Variants in GLI2 observed in about 807,000 individuals in gnomAD.
GLI2 encodes the protein transcription activator GLI2.
GLI2 carries 22 observed loss-of-function variants against 78.9 expected under a neutral mutation model. The ratio of observed to expected loss-of-function variants is 0.28; its 90% CI spans 0.20 to 0.40. The LOEUF (loss-of-function observed/expected upper bound fraction) is 0.40, where lower values mean the gene tolerates loss of function less well. Ranked by LOEUF, GLI2 falls within the 10% of genes least tolerant of loss-of-function variation. GLI2 has a pLI of 1.00. For synonymous variants in GLI2, 974 were observed against 963.7 expected (o/e 1.01, Z -0.20); for missense variants, 2,097 against 2,213.2 (o/e 0.95, Z 1.05).
At chr2:120,889,686 A>G (rs1212759492) in intron 2 of GLI2, among the ~76,000 whole-genome samples, 1 of 152,256 alleles carries the variant, frequency 6.6e-6, no homozygotes, top group Non-Finnish European at 1.5e-5. Flanking sequence ...GAGACCTTTC[A>G]CAAAAGAGGA....
At chr2:120,958,829 C>T (rs1007180206) in intron 5 of GLI2, among the ~76,000 whole-genome samples, 5 of 152,212 alleles carry the variant, frequency 3.3e-5, no homozygotes, top group African/African-American at 4.8e-5. Flanking sequence ...ACTGCACTAG[C>T]GGGACCCAAG....
intron 1 of GLI2, among the ~76,000 whole-genome samples, chr2:120,775,970 C>T (rs1306464013): frequency 6.6e-6 from 1 of 152,242 alleles, no homozygotes; most frequent in Non-Finnish European, 1.5e-5. Context: ...AACGCTCTCG[C>T]CCTGGCTGGC....
At chr2:120,864,490 CGGAGTCTCGCTCTGT>C (rs1688037514) in intron 2 of GLI2, among the ~76,000 whole-genome samples, 1 of 151,690 alleles carries the variant, frequency 6.6e-6, no homozygotes, top group Non-Finnish European at 1.5e-5. Context: ...TTTTTTGAGA[CGGAGTCTCGCTCTGT>C]CTGTCGCCCA....
chr2:120,841,573 T>A (rs1558827626), intron 2 of GLI2, among the ~76,000 whole-genome samples: 1 of 152,244 alleles, frequency 6.6e-6, no homozygotes. Context: ...TCTTGACTAT[T>A]CTAGTTTTTC....
At chr2:120,775,908 C>T in intron 1 of GLI2, among the ~76,000 whole-genome samples, 1 of 152,244 alleles carries the variant, frequency 6.6e-6, no homozygotes, top group East Asian at 1.9e-4. Context: ...CCGGCCTTCC[C>T]CCGGGCTCCC....
At chr2:120,873,523 C>T (rs1339918820) in intron 2 of GLI2, among the ~76,000 whole-genome samples, 1 of 152,324 alleles carries the variant, frequency 6.6e-6, no homozygotes, top group East Asian at 1.9e-4. Flanking sequence ...GCATAGCAGC[C>T]TCTGGACACC....
chr2:120,861,280 AC>A (rs1173485851), intron 2 of GLI2, among the ~76,000 whole-genome samples: 4 of 152,076 alleles, frequency 2.6e-5, no homozygotes, highest in African/African-American at 9.7e-5. Context: ...TGCCTGTGAA[AC>A]CCCATATGTA....
At chr2:120,977,043 G>A (rs1324644682) in intron 9 of GLI2, among the ~76,000 whole-genome samples, 1 of 152,254 alleles carries the variant, frequency 6.6e-6, no homozygotes, top group Non-Finnish European at 1.5e-5. Flanking sequence ...TCAAAGCGCT[G>A]GAGATTTCAC....
intron 1 of GLI2, among the ~76,000 whole-genome samples, chr2:120,788,262 T>G (rs1298577647): frequency 6.6e-6 from 1 of 152,156 alleles, no homozygotes; most frequent in East Asian, 1.9e-4. Context: ...GCACAGGTGG[T>G]GTCAAAGTTC....
At chr2:120,746,376 C>G (rs972945457) in intron 1 of GLI2, among the ~76,000 whole-genome samples, 1 of 152,078 alleles carries the variant, frequency 6.6e-6, no homozygotes, top group East Asian at 1.9e-4. Context: ...GTGTCCACCT[C>G]GAGCTGCACC....
chr2:120,826,501 T>C (rs953838999), intron 2 of GLI2, among the ~76,000 whole-genome samples: 7 of 152,338 alleles, frequency 4.6e-5, no homozygotes, highest in African/African-American at 1.7e-4. Flanking sequence ...GACTGCACTC[T>C]GGAGGAAGTG....
intron 3 of GLI2, among the ~76,000 whole-genome samples, chr2:120,944,948 A>G (rs1680635791): frequency 6.6e-6 from 1 of 152,168 alleles, no homozygotes; most frequent in Non-Finnish European, 1.5e-5. Flanking sequence ...TACTTTATCC[A>G]TTCTCCCTTT....
chr2:120,924,345 G>A (rs982041330), intron 2 of GLI2, among the ~76,000 whole-genome samples: 1 of 152,158 alleles, frequency 6.6e-6, no homozygotes, highest in Non-Finnish European at 1.5e-5. Context: ...AGCTGCCTCC[G>A]AGTGTCATTT....
rs267598856 is a variant in GLI2 at position 120,990,233 on chromosome 2, C to T, written c.4268C>T (p.Pro1423Leu). Residue 1423 changes from proline (P) to leucine (L), a missense_variant, in exon 14 of 14, where the codon CCG (proline) becomes CTG (leucine). Pro to Leu is a moderately conservative substitution (Grantham distance 98). This residue lies in a region of GLI2 where 1,290 missense variants were observed against 1,261.7 expected (regional missense o/e 1.02). Coordinates refer to ENST00000361492, the MANE Select transcript of GLI2 (RefSeq NM_001374353.1). ...CCTCCGCAGGACGCAGGTGGGGCCC[C>T]GGACCACAGCATGCTCTACTACTAC... ...QPPPQDAGGA[P>L]DHSMLYYYGQ... 14 of 1,613,648 alleles carry T rather than the reference C, an allele frequency of 8.7e-6. No homozygotes were observed. Among genetic ancestry groups the T allele is most frequent in the Middle Eastern group, 3.3e-4 (2 of 6,062 alleles).
intron 3 of GLI2, 127 bp downstream of exon 3, chr2:120,927,593 T>C: frequency 1.3e-6 from 1 of 759,152 alleles, no homozygotes; most frequent in Non-Finnish European, 2.4e-6. Context: ...TACATTGTCC[T>C]GAGCGGGCGA....
intron 1 of GLI2, among the ~76,000 whole-genome samples, chr2:120,789,243 C>T (rs1325203463): frequency 6.6e-6 from 1 of 152,060 alleles, no homozygotes; most frequent in Non-Finnish European, 1.5e-5. Flanking sequence ...AGGCTGGTCT[C>T]AAGCTTCTGA....
chr2:120,770,487 G>A (rs1007269103), intron 1 of GLI2, among the ~76,000 whole-genome samples: 2 of 152,206 alleles, frequency 1.3e-5, no homozygotes, highest in Non-Finnish European at 2.9e-5. Context: ...GGGGACCCAG[G>A]AGCTGTTGCT....
intron 3 of GLI2, among the ~76,000 whole-genome samples, chr2:120,934,521 C>T (rs1680101317): frequency 6.6e-6 from 1 of 152,210 alleles, no homozygotes; most frequent in South Asian, 2.1e-4. Context: ...GGCCACCCTT[C>T]CTGGAGGAGT....
At chr2:120,814,478 T>C (rs749117911) in intron 2 of GLI2, among the ~76,000 whole-genome samples, 3 of 152,166 alleles carry the variant, frequency 2.0e-5, no homozygotes, top group Non-Finnish European at 4.4e-5. Flanking sequence ...AATGAGTTGA[T>C]CAGATTTCAT....
Sources: allele counts gnomAD v4.1 joint callset (sites outside exome capture counted in the v4.1 genomes callset), GRCh38; gene constraint gnomAD v4.1.1; regional missense constraint gnomAD v4.1.1; transcripts MANE v1.5; gene names NCBI Gene and HGNC (gene_info 2026-07-23, HGNC 2026-07-21).